The following PAICS variants were observed in gnomAD, a reference collection of about 807,000 sequenced individuals.
PAICS encodes the protein bifunctional phosphoribosylaminoimidazole carboxylase/phosphoribosylaminoimidazole succinocarboxamide synthetase.
In PAICS, 33 loss-of-function variants were observed where a neutral mutation model predicts 53.7. The ratio of observed to expected loss-of-function variants is 0.61; its 90% confidence interval spans 0.47 to 0.82. The LOEUF (loss-of-function observed/expected upper bound fraction) is 0.82. Ranked by LOEUF, PAICS falls within the 40% of genes least tolerant of loss-of-function variation. The pLI, the probability that PAICS is intolerant of heterozygous loss-of-function variation, is 0.00. For missense variants in PAICS, 394 were observed against 494.1 expected, an observed-to-expected ratio of 0.80 and a Z score of 1.92; for synonymous variants, 141 against 167.2, an observed-to-expected ratio of 0.84 and a Z score of 1.21.
At chr4:56,445,898 A>G (rs1446182111) in intron 2 of PAICS, among the ~76,000 whole-genome samples, 1 of 152,174 alleles carries the variant, frequency 6.6e-6, no homozygotes, top group East Asian at 1.9e-4. Context: ...TAACACTTCC[A>G]GGAGAGGCAA....
Position 56,441,816 on chromosome 4 carries a change from C to T in PAICS, c.170C>T (p.Ser57Leu). Reference protein sequence around the residue: ...KNHLEGKAAISNKITSCIFQL... With the variant: ...KNHLEGKAAILNKITSCIFQL... Reference sequence around the variant, plus strand: ...CACCTGGAAGGAAAAGCTGCAATCTCAAATAAAATCACCAGTTGTATTTTT... The same window carrying T: ...CACCTGGAAGGAAAAGCTGCAATCTTAAATAAAATCACCAGTTGTATTTTT... Residue 57 changes from serine to leucine, a missense_variant, in exon 2 of 9, where the codon TCA becomes TTA. Ser to Leu is a moderately radical substitution (Grantham distance 145, BLOSUM62 -2). Coordinates refer to ENST00000512576, the MANE Select transcript of PAICS (RefSeq NM_001079524.2). The T allele has an allele frequency of 1.3e-6, 2 of 1,599,140 alleles. No homozygotes were observed. Among genetic ancestry groups the T allele is most frequent in the Non-Finnish European group, 1.7e-6 (2 of 1,172,394 alleles).
At chr4:56,456,152 C>T (rs530151226) in intron 8 of PAICS, among the ~76,000 whole-genome samples, 17 of 152,250 alleles carry the variant, frequency 1.1e-4, no homozygotes, top group African/African-American at 3.4e-4. Context: ...AGTGCAATGG[C>T]GCAATCTCAG....
the PAICS span, chr4:56,410,530 A>G: frequency 1.0e-6 from 1 of 986,818 alleles, no homozygotes; most frequent in Non-Finnish European, 1.2e-6. Flanking sequence ...AGAGTGGAGC[A>G]GGAAAGCACT....
In PAICS at chr4:56,461,990, C is replaced by G. The variant is rs1339766700; in HGVS notation, c.*2452C>G. On this transcript the variant is annotated 3_prime_UTR_variant, in exon 9 of 9. Coordinates refer to ENST00000512576, the MANE Select transcript of PAICS (RefSeq NM_001079524.2). ...AAGCTTCATTCAGTATCCATTCACC[C>G]AATACTGGTTTGATTCTAGGGCCTA... 1 of 152,130 alleles carries G rather than the reference C, an allele frequency of 6.6e-6. No individual in the cohort carries two copies. Among genetic ancestry groups the G allele is most frequent in the Non-Finnish European group, 1.5e-5 (1 of 68,018 alleles). The allele number at this position is 152,130 out of a possible 1,614,324, so 9.4% of individuals were successfully genotyped here. A position where few individuals can be genotyped will look rare whatever the true frequency, so the allele number is the denominator to read the frequency against.
upstream of PAICS, chr4:56,435,745 T>G: frequency 6.7e-7 from 1 of 1,484,922 alleles, no homozygotes. Flanking sequence ...TGCTGTAGGG[T>G]GGAGCTAGCC....
At chr4:56,434,218 C>T (rs979806562), upstream of PAICS, among the ~76,000 whole-genome samples, 6 of 152,264 alleles carry the variant, frequency 3.9e-5, no homozygotes, top group East Asian at 1.2e-3. Context: ...AAGGAACACA[C>T]AAAATGTGAA....
chr4:56,435,972 CG>C (rs1560654350), upstream of PAICS: 3 of 1,516,866 alleles, frequency 2.0e-6, no homozygotes, highest in East Asian at 8.0e-5. Context: ...GAGAAGGGGC[CG>C]GGGTATGCGA....
In PAICS at chr4:56,436,303, A is replaced by G. The variant is rs181193549; in HGVS notation, c.-10A>G. 20 of 1,601,922 alleles carry G rather than the reference A, an allele frequency of 1.2e-5. No individual in the cohort carries two copies. The East Asian group carries it at 4.5e-4, about 36-fold the overall frequency. ...CCGGCGCGGTCGCAGCCCTCAGCCC[A>G]CTTAGGATAATGGCGACAGCTGAGG... On this transcript the variant is annotated 5_prime_UTR_variant, in exon 1 of 9. Transcript: ENST00000512576.
rs77686991 is a variant in PAICS at position 56,454,112 on chromosome 4, A to G, written c.1111+351A>G. ...GGCTTCCTCTTTCAAGTTGACCAAC[A>G]AGGAGACATGAGTCCAGCTCAAATC... On this transcript the variant is annotated intron_variant, in intron 8 of 8. Transcript: ENST00000512576. Among the ~76,000 whole-genome samples, 585 of 152,330 alleles carry G rather than the reference A, an allele frequency of 3.8e-3. 5 individuals carry two copies. The highest frequency in any genetic ancestry group is 0.013 in the African/African-American group (537 of 41,576).
chr4:56,446,634 C>T, intron 2 of PAICS, 61 bp from the exon 3 acceptor site: 1 of 996,162 alleles, frequency 1.0e-6, no homozygotes, highest in Non-Finnish European at 1.5e-6. Context: ...TATTGTGCCT[C>T]AGATCTACCT....
chr4:56,433,699 G>GT (rs35741626), upstream of PAICS, among the ~76,000 whole-genome samples: 68,230 of 141,212 alleles, frequency 0.48, 15,855 homozygotes, highest in South Asian at 0.56. Context: ...AATAACAACT[G>GT]TTTTTTTTTT....
At chr4:56,446,394 T>C (rs1490362680) in intron 2 of PAICS, 2 of 717,994 alleles carry the variant, frequency 2.8e-6, no homozygotes. Context: ...ATTTGTTCTT[T>C]TGCATTTTGT....
At chr4:56,435,398 A>G, upstream of PAICS, 1 of 1,613,140 alleles carries the variant, frequency 6.2e-7, no homozygotes, top group Non-Finnish European at 8.5e-7. Context: ...CGGTACATCC[A>G]GCTGCGTGGG....
chr4:56,449,679 TAAA>T (rs1227954903), intron 5 of PAICS, among the ~76,000 whole-genome samples: 1 of 150,804 alleles, frequency 6.6e-6, no homozygotes, highest in Non-Finnish European at 1.5e-5. Context: ...TATGCAGCCA[TAAA>T]AAAGAATGAG....
chr4:56,450,419 A>G (rs889273846), intron 5 of PAICS, among the ~76,000 whole-genome samples, 200 bp from the exon 6 acceptor site: 1 of 152,224 alleles, frequency 6.6e-6, no homozygotes, highest in Non-Finnish European at 1.5e-5. Flanking sequence ...CTAGTACAGA[A>G]AACACTTAAC....
upstream of PAICS, chr4:56,435,548 C>T (rs375418740): frequency 1.3e-5 from 21 of 1,607,416 alleles, 1 homozygote; most frequent in East Asian, 8.9e-5. Context: ...GCTGCCAGCT[C>T]GGCCCGTCGA....
chr4:56,427,042 G>A, the PAICS span, among the ~76,000 whole-genome samples: 1 of 151,998 alleles, frequency 6.6e-6, no homozygotes, highest in South Asian at 2.1e-4. Flanking sequence ...AATATCTTTA[G>A]GGCTCCTCCA....
At chr4:56,452,761 G>A (rs913137692) in intron 7 of PAICS, among the ~76,000 whole-genome samples, 1 of 152,098 alleles carries the variant, frequency 6.6e-6, no homozygotes, top group Admixed American at 6.6e-5. Context: ...AGTCAGATAG[G>A]AAATTAAAGA....
In PAICS at chr4:56,461,856, C is replaced by T. The variant is rs1578166243; in HGVS notation, c.*2318C>T. The T allele has an allele frequency of 6.6e-6, 1 of 151,556 alleles. No homozygotes were observed. The highest frequency in any genetic ancestry group is 2.4e-5 in the African/African-American group (1 of 41,292). The allele number at this position is 151,556 out of a possible 1,614,324, so 9.4% of individuals were successfully genotyped here. ...GTAAACATAAAAAGAGAAAAAATATCCCAATAATACAGTTTTTAACCTTTT... is the reference window on the plus strand; with the variant it reads ...GTAAACATAAAAAGAGAAAAAATATTCCAATAATACAGTTTTTAACCTTTT... On this transcript the variant is annotated 3_prime_UTR_variant, in exon 9 of 9. Transcript: ENST00000512576.
Sources: allele counts gnomAD v4.1 joint callset (sites outside exome capture counted in the v4.1 genomes callset), GRCh38; gene constraint gnomAD v4.1.1; transcripts MANE v1.5; gene names NCBI Gene and HGNC (gene_info 2026-07-23, HGNC 2026-07-21).